The following KIF15 variants were observed in gnomAD, a reference collection of about 807,000 sequenced individuals.
KIF15 encodes the protein kinesin family member 15.
KIF15 carries 140 observed loss-of-function variants against 190.6 expected under a neutral mutation model. The observed-to-expected ratio is 0.73, with a 90% CI of 0.64 to 0.84. The LOEUF is 0.84. Among genes scored for constraint, KIF15 ranks in the 40% least tolerant of loss-of-function variants. The pLI is 0.00. For synonymous variants in KIF15, 528 were observed against 551.3 expected (o/e 0.96, Z 0.59); for missense variants, 1,372 against 1,584.4 (o/e 0.87, Z 2.28).
intron 6 of KIF15, among the ~76,000 whole-genome samples, chr3:44,860,574 TC>T (rs1488180407): frequency 6.6e-6 from 1 of 152,174 alleles, no homozygotes; most frequent in Non-Finnish European, 1.5e-5. Flanking sequence ...AGTTTCACCA[TC>T]TTGACCAATC....
chr3:44,837,820 A>G (rs749701744), intron 26 of KIF15, among the ~76,000 whole-genome samples: 3 of 152,202 alleles, frequency 2.0e-5, no homozygotes, highest in African/African-American at 4.8e-5. Context: ...GTCTATGACA[A>G]TGAATCACAA....
At position 44,800,380 on chromosome 3, in the gene KIF15, G is replaced by T. The variant is rs769153499; in HGVS notation, c.1165G>T (p.Glu389Ter). 1.2e-6 allele frequency: 2 copies of T among 1,614,086 alleles called. No individual in the cohort carries two copies. ...CCAAGCTGAAGTGAAGAGGCTCAAAGAACAACTGGCGGAGCTTGCTTCAGG... is the reference window on the plus strand; with the variant it reads ...CCAAGCTGAAGTGAAGAGGCTCAAATAACAACTGGCGGAGCTTGCTTCAGG... ...QLQAEVKRLKEQLAELASGQT... is the reference protein window; with the variant it reads ...QLQAEVKRLK The change falls in exon 11 of 35, where the codon GAA (glutamate) becomes TAA (stop). Residue 389 changes from glutamate (E) to a stop codon, truncating the protein, a stop_gained. Transcript: ENST00000326047. LOFTEE classifies it high-confidence loss of function.
chr3:44,865,726 CT>C (rs905478967), intron 6 of KIF15: 3 of 156,950 alleles, frequency 1.9e-5, no homozygotes, highest in Non-Finnish European at 4.3e-5. Context: ...CCAGAGTGAG[CT>C]GAAATCCCAA....
At chr3:44,792,848 CA>C (rs1479160520) in intron 7 of KIF15, among the ~76,000 whole-genome samples, 1 of 152,142 alleles carries the variant, frequency 6.6e-6, no homozygotes, top group Admixed American at 6.5e-5. Context: ...GCCCTGCCAA[CA>C]GCTATGATTT....
intron 27 of KIF15, among the ~76,000 whole-genome samples, chr3:44,838,889 C>G (rs1290524763): frequency 6.6e-6 from 1 of 152,136 alleles, no homozygotes; most frequent in Non-Finnish European, 1.5e-5. Context: ...GCTCAGCTGC[C>G]TCCCACCCAC....
Position 44,865,131 on chromosome 3 carries a change from A to G in KIF15, c.*60-8198A>G, listed in dbSNP as rs769847857. ...ATTCTCTGCGGACTCACCCTAATCC[A>G]CAGGAAGCTCCCACCCACCTGGAAG... On this transcript the variant is annotated intron_variant and NMD_transcript_variant, in intron 6 of 6. Coordinates refer to the KIF15 transcript ENST00000422209. The G allele has an allele frequency of 2.5e-6, 4 of 1,614,002 alleles. No individual in the cohort carries two copies. The African/African-American group carries it at 5.3e-5, about 22-fold the overall frequency.
Position 44,813,063 on chromosome 3 carries a change from T to G in KIF15, c.2278-12T>G. 1.3e-6 allele frequency: 2 copies of G among 1,531,038 alleles called. No homozygotes were observed. Among genetic ancestry groups the G allele is most frequent in the Non-Finnish European group, 1.8e-6 (2 of 1,128,662 alleles). The allele number at this position is 1,531,038 out of a possible 1,614,324, so 94.8% of individuals were successfully genotyped here. On this transcript the variant is annotated splice_polypyrimidine_tract_variant and intron_variant, in intron 18 of 34. Coordinates refer to ENST00000326047, the MANE Select transcript of KIF15 (RefSeq NM_020242.3). ...TATTCCTTTTCCAGTAAATTTATCT[T>G]TTTTCCCAAAGCTTTTCTCATCAGA...
intron 16 of KIF15, among the ~76,000 whole-genome samples, chr3:44,809,175 A>G (rs1559553029): frequency 1.3e-5 from 2 of 152,214 alleles, no homozygotes; most frequent in African/African-American, 4.8e-5. Context: ...TGGGTAAAAA[A>G]TGAGATCTTG....
At chr3:44,767,502 G>C (rs1479088481) in intron 1 of KIF15, among the ~76,000 whole-genome samples, 2 of 152,226 alleles carry the variant, frequency 1.3e-5, no homozygotes, top group Non-Finnish European at 2.9e-5. Context: ...ATTTGGGCTA[G>C]AGGTGGGGTG....
chr3:44,868,268 C>T (rs1349540884), intron 6 of KIF15, among the ~76,000 whole-genome samples: 1 of 152,126 alleles, frequency 6.6e-6, no homozygotes, highest in Admixed American at 6.5e-5. Flanking sequence ...AAGGCTCATT[C>T]ATGTTGTAGC....
chr3:44,865,948 G>A (rs1272937354), intron 6 of KIF15, among the ~76,000 whole-genome samples: 1 of 152,148 alleles, frequency 6.6e-6, no homozygotes, highest in African/African-American at 2.4e-5. Context: ...GAAAGAAAGT[G>A]GTTCAGAGGT....
intron 1 of KIF15, among the ~76,000 whole-genome samples, chr3:44,764,357 T>G (rs909854103): frequency 6.6e-6 from 1 of 152,204 alleles, no homozygotes; most frequent in African/African-American, 2.4e-5. Context: ...TGGTACAGTA[T>G]GTATTCTTTT....
chr3:44,812,300 G>A lies in KIF15; in HGVS notation c.2277+11G>A, dbSNP rs773110076. 1.3e-6 allele frequency: 2 copies of A among 1,586,282 alleles called. No homozygotes were observed. The highest frequency in any genetic ancestry group is 1.7e-5 in the Admixed American group (1 of 59,510). The stretch of plus-strand genomic sequence containing the variant: ...ACCCAAATGCAGGAGGTGAGACCAA[G>A]AGCACAGCCTCAGAAAATGTATGAA... On this transcript the variant is annotated intron_variant, in intron 18 of 34. Coordinates refer to ENST00000326047, the MANE Select transcript of KIF15 (RefSeq NM_020242.3).
Position 44,852,330 on chromosome 3 carries a change from G to C in KIF15, c.4095G>C (p.Arg1365Ser), listed in dbSNP as rs931416493. Residue 1365 changes from arginine to serine, a missense_variant, in exon 34 of 35, where the codon AGG (arginine) becomes AGC (serine). Arg to Ser is a moderately radical substitution (Grantham distance 110). Transcript: ENST00000326047. ...TGCGACTAAAGAAGGAAAATGTCAG[G>C]CTTGCTGAGGTAAACCTAAAAATTA... ...YVVRLKKENV[R>S]LAEETEKLRA... 1 of 1,606,684 alleles carries C rather than the reference G, an allele frequency of 6.2e-7. No individual in the cohort carries two copies. Among genetic ancestry groups the C allele is most frequent in the South Asian group, 1.1e-5 (1 of 90,048 alleles).
intron 22 of KIF15, 24 bp from the exon 23 acceptor site, chr3:44,827,435 T>C: frequency 6.5e-7 from 1 of 1,547,308 alleles, no homozygotes; most frequent in Non-Finnish European, 8.9e-7. Context: ...AAGTCAGGGG[T>C]AAAAGATAAT....
chr3:44,804,311 C>G (rs1166070100), intron 14 of KIF15, among the ~76,000 whole-genome samples: 2 of 152,184 alleles, frequency 1.3e-5, no homozygotes. Flanking sequence ...ACAACTTTTA[C>G]ATGATCTTTT....
intron 15 of KIF15, 46 bp downstream of exon 15, chr3:44,805,214 T>C (rs1707441543): frequency 6.4e-7 from 1 of 1,558,308 alleles, no homozygotes; most frequent in Non-Finnish European, 8.7e-7. Context: ...TCTTTCAGTG[T>C]TCATTTGCTG....
chr3:44,841,401 T>G (rs879211987), intron 29 of KIF15, among the ~76,000 whole-genome samples, 163 bp downstream of exon 29: 10 of 151,282 alleles, frequency 6.6e-5, no homozygotes, highest in South Asian at 4.2e-4. Context: ...ATTTTTTTTT[T>G]TTTGTTTTTT....
chr3:44,777,622 C>T (rs1191268636), intron 3 of KIF15, among the ~76,000 whole-genome samples: 4 of 151,984 alleles, frequency 2.6e-5, no homozygotes, highest in African/African-American at 9.7e-5. Flanking sequence ...ACCTGGGAGG[C>T]GGAAGTTTCA....
Sources: allele counts gnomAD v4.1 joint callset (sites outside exome capture counted in the v4.1 genomes callset), GRCh38; gene constraint gnomAD v4.1.1; transcripts MANE v1.5; gene names NCBI Gene and HGNC (gene_info 2026-07-23, HGNC 2026-07-21).